PNPT1: variants seen among roughly 807,000 people sequenced by gnomAD.
PNPT1 encodes the protein polyribonucleotide nucleotidyltransferase 1, mitochondrial.
In PNPT1, 53 loss-of-function variants were observed where a neutral mutation model predicts 119.5. That is an observed-to-expected ratio of 0.44 (90% CI 0.36 to 0.56). The LOEUF (loss-of-function observed/expected upper bound fraction) is 0.56, where lower values mean the gene tolerates loss of function less well. PNPT1 is among the 20% of genes least tolerant of loss of function. The pLI is 0.00. For synonymous variants in PNPT1, 357 were observed against 322.1 expected, an observed-to-expected ratio of 1.11 and a Z score of -1.16; for missense variants, 948 against 938.5, an observed-to-expected ratio of 1.01 and a Z score of -0.13.
rs1184415650 is a variant in PNPT1 at position 55,688,310 on chromosome 2, G to A, written c.162-605C>T. On this transcript the variant is annotated intron_variant, in intron 1 of 27. Coordinates refer to ENST00000447944, the MANE Select transcript of PNPT1 (RefSeq NM_033109.5). ...CTGCCTTGGCCTCCCAAAGTGCTGG[G>A]ATTACAGGTATGAGCCACTGTGCCT... Among the ~76,000 whole-genome samples, 3 of 152,220 alleles carry A rather than the reference G, an allele frequency of 2.0e-5. No homozygotes were observed. The East Asian group carries it at 5.8e-4, about 29-fold the overall frequency.
At chr2:55,670,491 TTGA>T in intron 11 of PNPT1, among the ~76,000 whole-genome samples, 1 of 152,294 alleles carries the variant, frequency 6.6e-6, no homozygotes. Context: ...TGGCCAGAGG[TTGA>T]TATTATACAG....
intron 5 of PNPT1, among the ~76,000 whole-genome samples, chr2:55,683,238 C>G (rs1057087043): frequency 3.9e-5 from 6 of 152,182 alleles, no homozygotes; most frequent in Admixed American, 6.5e-5. Context: ...CAATGCTTCC[C>G]TGACACACCT....
chr2:55,673,246 G>A (rs563895592), intron 8 of PNPT1, among the ~76,000 whole-genome samples, 167 bp from the exon 9 acceptor site: 2 of 151,772 alleles, frequency 1.3e-5, no homozygotes, highest in East Asian at 3.9e-4. Flanking sequence ...CAAAATGTAA[G>A]CAGCGGTAAA....
chr2:55,679,465 T>A (rs537624922), intron 8 of PNPT1, among the ~76,000 whole-genome samples: 38 of 152,292 alleles, frequency 2.5e-4, no homozygotes, highest in African/African-American at 9.1e-4. Flanking sequence ...ATGATCTTGG[T>A]AAATATTTTT....
At chr2:55,675,892 A>C (rs1308208721) in intron 8 of PNPT1, among the ~76,000 whole-genome samples, 1 of 152,196 alleles carries the variant, frequency 6.6e-6, no homozygotes, top group African/African-American at 2.4e-5. Context: ...GATATAAAAC[A>C]TTCCCTTCAC....
At chr2:55,642,288 CA>C (rs1402707007) in intron 25 of PNPT1, among the ~76,000 whole-genome samples, 3 of 151,586 alleles carry the variant, frequency 2.0e-5, no homozygotes, top group African/African-American at 7.3e-5. Context: ...GGGGTTTCAC[CA>C]ATTACTAGTA....
At chr2:55,650,858 C>G (rs1046175714) in intron 18 of PNPT1, among the ~76,000 whole-genome samples, 10 of 151,532 alleles carry the variant, frequency 6.6e-5, no homozygotes, top group African/African-American at 2.4e-4. Flanking sequence ...AAGTGAGGAG[C>G]GTCTCTGCCC....
chr2:55,670,052 C>T lies in PNPT1; in HGVS notation c.976+1267G>A, dbSNP rs140159127. Among the ~76,000 whole-genome samples, 116 of 152,082 alleles carry T rather than the reference C, an allele frequency of 7.6e-4. 4 individuals carry two copies. In the East Asian group the frequency reaches 0.019, roughly 25 times the overall value. ...GGGATTACAGGCATGAGCCACCACG[C>T]CTGGCCAGTTTTTTATCTTAAAATA... On this transcript the variant is annotated intron_variant, in intron 11 of 27. Transcript: ENST00000447944.
Position 55,656,136 on chromosome 2 carries a change from G to T in PNPT1, c.1436C>A (p.Ser479Ter), listed in dbSNP as rs1324077008. ...TIRVTSEVLE[S>*]NGSSSMASAC... ...GAAGTATTTCAATACCATACCATTT[G>T]ACTCTAGGACTTCAGATGTAACTCT... Residue 479 changes from serine to a stop codon, truncating the protein, a stop_gained, in exon 17 of 28, where the codon TCA becomes TAA. Transcript: ENST00000447944. LOFTEE classifies it high-confidence loss of function. 1 of 1,612,278 alleles carries T rather than the reference G, an allele frequency of 6.2e-7. No homozygotes were observed. The highest frequency in any genetic ancestry group is 1.1e-5 in the South Asian group (1 of 90,728).
chr2:55,691,868 ATATATATATATT>A (rs1374855131), intron 1 of PNPT1, among the ~76,000 whole-genome samples: 1 of 42,178 alleles, frequency 2.4e-5, no homozygotes, highest in Non-Finnish European at 5.6e-5. Context: ...ATATATATAT[ATATATATATATT>A]TTTTTTTTTT....
In PNPT1 at chr2:55,661,938, C is replaced by G. The variant is rs1696590217; in HGVS notation, c.1247+18G>C. The stretch of plus-strand genomic sequence containing the variant: ...GAACATCATAAAACGTAACAAACAT[C>G]TTAAAAACATAACTTACTTTATAGC... On this transcript the variant is annotated intron_variant, in intron 14 of 27. Transcript: ENST00000447944. 6.5e-7 allele frequency: 1 copy of G among 1,539,784 alleles called. No homozygotes were observed. The highest frequency in any genetic ancestry group is 8.7e-7 in the Non-Finnish European group (1 of 1,148,774).
In PNPT1 at chr2:55,691,848, T is replaced by TTATATATA. The variant is rs869195974; in HGVS notation, c.161+1807_161+1814dup. 7.1e-3 allele frequency among the ~76,000 whole-genome samples: 617 copies of TTATATATA among 86,534 alleles called. 4 individuals are homozygous for TTATATATA. Among genetic ancestry groups the TTATATATA allele is most frequent in the Non-Finnish European group, 9.7e-3 (440 of 45,550 alleles). 56.8% of individuals were successfully genotyped at this position (86,534 alleles called of 152,430 possible). On this transcript the variant is annotated intron_variant, in intron 1 of 27. Transcript: ENST00000447944. ...TATATTACTCTTCAATTAAAAATGT[T>TTATATATA]TATATATATATATATATATATATAT...
intron 22 of PNPT1, 53 bp from the exon 23 acceptor site, chr2:55,644,773 T>C (rs1287122313): frequency 7.9e-7 from 1 of 1,260,686 alleles, no homozygotes; most frequent in Non-Finnish European, 1.1e-6. Context: ...TACATGAACC[T>C]AAAACATGCC....
chr2:55,650,167 C>T (rs72805500), intron 18 of PNPT1, among the ~76,000 whole-genome samples: 4,518 of 151,936 alleles, frequency 0.03, 102 homozygotes, highest in South Asian at 0.089. Flanking sequence ...TCTACCTCTA[C>T]CTCTACCCAC....
chr2:55,684,832 G>A (rs1396757946), intron 4 of PNPT1, 111 bp downstream of exon 4: 2 of 1,287,282 alleles, frequency 1.6e-6, no homozygotes, highest in East Asian at 5.5e-5. Flanking sequence ...CTTAGGTGGT[G>A]TTAATGCTAT....
chr2:55,673,512 A>G (rs1235676638), intron 8 of PNPT1, among the ~76,000 whole-genome samples: 2 of 151,216 alleles, frequency 1.3e-5, no homozygotes, highest in Non-Finnish European at 2.9e-5. Flanking sequence ...GCAGTGGCGC[A>G]ATCTCGGCTC....
At chr2:55,637,466 G>T in intron 27 of PNPT1, 86 bp downstream of exon 27, 1 of 1,230,232 alleles carries the variant, frequency 8.1e-7, no homozygotes, top group Non-Finnish European at 1.2e-6. Context: ...CATAGATGGT[G>T]ACTCTTCTTT....
intron 13 of PNPT1, among the ~76,000 whole-genome samples, chr2:55,664,261 C>T (rs750584345): frequency 2.0e-5 from 3 of 152,116 alleles, no homozygotes; most frequent in Non-Finnish European, 2.9e-5. Flanking sequence ...GCAGGAAATG[C>T]ACCTAAATGG....
At chr2:55,645,174 C>T (rs1038514910) in intron 22 of PNPT1, 175 bp downstream of exon 22, 2 of 422,950 alleles carry the variant, frequency 4.7e-6, no homozygotes, top group Non-Finnish European at 8.5e-6. Flanking sequence ...CAGGCGCCCG[C>T]CACCACGCCC....
Sources: gnomAD v4.1 joint callset for allele counts (sites outside exome capture counted in the v4.1 genomes callset) on GRCh38, gnomAD v4.1.1 for gene constraint, MANE v1.5 for transcripts, NCBI Gene and HGNC (gene_info 2026-07-23, HGNC 2026-07-21) for gene names.